Variants in ADK observed in about 807,000 individuals in gnomAD.
The protein encoded by ADK is N6,N6-dimethyladenosine kinase.
In ADK, 24 loss-of-function variants were observed where a neutral mutation model predicts 44.7. The ratio of observed to expected loss-of-function variants is 0.54; its 90% CI spans 0.39 to 0.76. The LOEUF (loss-of-function observed/expected upper bound fraction) is 0.76, where lower values mean the gene tolerates loss of function less well. ADK is among the 30% of genes least tolerant of loss of function. The pLI, the probability that ADK is intolerant of heterozygous loss-of-function variation, is 0.00. For synonymous variants in ADK, 128 were observed against 142.6 expected, an observed-to-expected ratio of 0.90 and a Z score of 0.73; for missense variants, 321 against 425.1, an observed-to-expected ratio of 0.76 and a Z score of 2.15.
chr10:74,220,590 C>T (rs1416519580), intron 2 of ADK, among the ~76,000 whole-genome samples: 2 of 152,118 alleles, frequency 1.3e-5, no homozygotes, highest in South Asian at 2.1e-4. Flanking sequence ...TAGACCAATA[C>T]CCTTGATGAA....
At chr10:74,360,111 G>A (rs1451140717) in intron 4 of ADK, among the ~76,000 whole-genome samples, 1 of 152,128 alleles carries the variant, frequency 6.6e-6, no homozygotes, top group African/African-American at 2.4e-5. Context: ...AGAAGAATGT[G>A]TATTCTGTGG....
chr10:74,704,401 T>C (rs1856528426), intron 10 of ADK, among the ~76,000 whole-genome samples: 1 of 152,192 alleles, frequency 6.6e-6, no homozygotes, highest in Non-Finnish European at 1.5e-5. Flanking sequence ...TATAAAAGGA[T>C]TCCCTACAAT....
At chr10:74,283,832 C>T (rs1206361186) in intron 3 of ADK, among the ~76,000 whole-genome samples, 2 of 151,534 alleles carry the variant, frequency 1.3e-5, no homozygotes. Context: ...AGGTGCCCGC[C>T]ACCACGCCTG....
chr10:74,519,731 A>G (rs780710589), intron 6 of ADK, among the ~76,000 whole-genome samples: 13 of 151,968 alleles, frequency 8.6e-5, no homozygotes, highest in Non-Finnish European at 1.6e-4. Flanking sequence ...TTCTCTTTCA[A>G]TGGAATACTT....
chr10:74,559,623 A>G (rs1431588738), intron 7 of ADK, among the ~76,000 whole-genome samples: 1 of 152,224 alleles, frequency 6.6e-6, no homozygotes, highest in African/African-American at 2.4e-5. Context: ...CTGCCCCTTC[A>G]GGGGATTCTA....
At chr10:74,552,454 G>A (rs1308831856) in intron 7 of ADK, among the ~76,000 whole-genome samples, 2 of 152,188 alleles carry the variant, frequency 1.3e-5, no homozygotes, top group East Asian at 3.8e-4. Context: ...GTAGAAGAGG[G>A]ATTGACTGTA....
At chr10:74,249,502 C>T (rs1335339626) in intron 3 of ADK, among the ~76,000 whole-genome samples, 1 of 148,316 alleles carries the variant, frequency 6.7e-6, no homozygotes, top group Non-Finnish European at 1.5e-5. Context: ...TGCATACACA[C>T]ACACACACAC....
At chr10:74,157,772 A>G (rs1338484075) in intron 1 of ADK, among the ~76,000 whole-genome samples, 1 of 152,050 alleles carries the variant, frequency 6.6e-6, no homozygotes, top group Non-Finnish European at 1.5e-5. Flanking sequence ...CATGCCTATA[A>G]TCCCAGCTAC....
chr10:74,319,852 C>G (rs915125583), intron 4 of ADK, among the ~76,000 whole-genome samples: 1 of 152,178 alleles, frequency 6.6e-6, no homozygotes, highest in Non-Finnish European at 1.5e-5. Context: ...TATACAAACA[C>G]TCTGCTCCTT....
At chr10:74,406,526 T>TAATAATAAGAAG (rs1178601985) in intron 6 of ADK, among the ~76,000 whole-genome samples, 1 of 136,126 alleles carries the variant, frequency 7.3e-6, no homozygotes, top group African/African-American at 2.8e-5. Context: ...ATAATAATAA[T>TAATAATAAGAAG]AAGAAGAAGA....
intron 3 of ADK, among the ~76,000 whole-genome samples, chr10:74,309,848 T>G (rs537414390): frequency 6.6e-6 from 1 of 152,308 alleles, no homozygotes; most frequent in Non-Finnish European, 1.5e-5. Context: ...ACATCCCGTA[T>G]TATATTTCAG....
chr10:74,511,967 G>A (rs780084386), intron 6 of ADK, among the ~76,000 whole-genome samples: 18 of 151,978 alleles, frequency 1.2e-4, no homozygotes, highest in Admixed American at 3.3e-4. Context: ...ATTATGTTGA[G>A]GTACTTTCCT....
chr10:74,227,795 A>T (rs1309188142), intron 3 of ADK, among the ~76,000 whole-genome samples: 1 of 152,132 alleles, frequency 6.6e-6, no homozygotes, highest in Non-Finnish European at 1.5e-5. Flanking sequence ...GTGAGCCAAG[A>T]TCACGCTACT....
intron 6 of ADK, among the ~76,000 whole-genome samples, chr10:74,458,400 A>G (rs1292434669): frequency 6.6e-6 from 1 of 150,776 alleles, no homozygotes. Flanking sequence ...CAGGTTGCCA[A>G]CGTGTTGGGA....
At chr10:74,286,881 C>G (rs553732328) in intron 3 of ADK, among the ~76,000 whole-genome samples, 20 of 152,240 alleles carry the variant, frequency 1.3e-4, no homozygotes, top group Middle Eastern at 3.4e-3. Flanking sequence ...GAGACTGGGT[C>G]TCACTATGTT....
At chr10:74,614,604 T>C (rs1482660271) in intron 9 of ADK, among the ~76,000 whole-genome samples, 1 of 152,134 alleles carries the variant, frequency 6.6e-6, no homozygotes, top group Non-Finnish European at 1.5e-5. Context: ...CTACTGACAG[T>C]TAGCTTTGCC....
chr10:74,535,433 G>T (rs879721363), intron 7 of ADK, among the ~76,000 whole-genome samples: 2 of 152,034 alleles, frequency 1.3e-5, no homozygotes, highest in Middle Eastern at 6.8e-3. Flanking sequence ...ACTGCACTCC[G>T]GTCTGGGTAA....
intron 10 of ADK, among the ~76,000 whole-genome samples, chr10:74,674,846 C>T (rs1397585698): frequency 6.6e-6 from 1 of 152,050 alleles, no homozygotes; most frequent in East Asian, 1.9e-4. Flanking sequence ...CTTGCTACTG[C>T]ACTCCAGCCT....
intron 7 of ADK, among the ~76,000 whole-genome samples, chr10:74,570,792 C>T (rs1850925229): frequency 6.6e-6 from 1 of 152,086 alleles, no homozygotes; most frequent in Non-Finnish European, 1.5e-5. Context: ...CTTCTCCTGC[C>T]TGATTGCCCT....
Sources: gnomAD v4.1 joint callset for allele counts (sites outside exome capture counted in the v4.1 genomes callset) on GRCh38, gnomAD v4.1.1 for gene constraint, MANE v1.5 for transcripts, NCBI Gene and HGNC (gene_info 2026-07-23, HGNC 2026-07-21) for gene names.